The following CTNNBL1 variants were observed in gnomAD, a reference collection of about 807,000 sequenced individuals.
CTNNBL1 encodes beta-catenin-like protein 1.
CTNNBL1 carries 31 observed loss-of-function variants against 72.7 expected under a neutral mutation model. That is an observed-to-expected ratio of 0.43 (90% confidence interval 0.32 to 0.58). CTNNBL1 has a LOEUF of 0.58. Among genes scored for constraint, CTNNBL1 ranks in the 20% least tolerant of loss-of-function variants. The pLI is 0.08. For synonymous variants in CTNNBL1, 240 were observed against 267.3 expected (o/e 0.90, Z 1.00); for missense variants, 534 against 725.1 (o/e 0.74, Z 3.03).
At chr20:37,709,795 C>CT (rs905948828) in intron 1 of CTNNBL1, among the ~76,000 whole-genome samples, 2 of 152,142 alleles carry the variant, frequency 1.3e-5, no homozygotes, top group East Asian at 1.9e-4. Flanking sequence ...AATGAGATTC[C>CT]TTTTTTAAAA....
At chr20:37,854,255 T>A (rs879772792) in intron 13 of CTNNBL1, among the ~76,000 whole-genome samples, 2 of 152,036 alleles carry the variant, frequency 1.3e-5, no homozygotes, top group African/African-American at 2.4e-5. Context: ...TAAAAGAAGA[T>A]CAGATGATGG....
At chr20:37,859,597 G>A (rs1386230998) in intron 13 of CTNNBL1, among the ~76,000 whole-genome samples, 2 of 114,490 alleles carry the variant, frequency 1.7e-5, no homozygotes, top group African/African-American at 7.0e-5. Context: ...TTTGTGTCCC[G>A]TCAGCTTGTT....
intron 11 of CTNNBL1, among the ~76,000 whole-genome samples, chr20:37,808,312 C>T (rs2071978309): frequency 6.6e-6 from 1 of 152,124 alleles, no homozygotes; most frequent in Admixed American, 6.5e-5. Context: ...GTCAGAGCTC[C>T]CACGCCGCCT....
intron 15 of CTNNBL1, among the ~76,000 whole-genome samples, chr20:37,861,888 G>A (rs1262000401): frequency 6.6e-6 from 1 of 152,218 alleles, no homozygotes; most frequent in Non-Finnish European, 1.5e-5. Context: ...CCAAAATCCT[G>A]TGGGAAGCCT....
At chr20:37,786,582 T>A (rs2073676405) in intron 10 of CTNNBL1, among the ~76,000 whole-genome samples, 1 of 152,218 alleles carries the variant, frequency 6.6e-6, no homozygotes, top group South Asian at 2.1e-4. Flanking sequence ...ATGTGTGATA[T>A]AAATATGCAT....
intron 1 of CTNNBL1, among the ~76,000 whole-genome samples, 183 bp from the exon 2 acceptor site, chr20:37,732,696 C>CT (rs1456746790): frequency 6.6e-6 from 1 of 152,128 alleles, no homozygotes; most frequent in Non-Finnish European, 1.5e-5. Flanking sequence ...CTTGCAAAGT[C>CT]TTTTTTTGTA....
chr20:37,842,060 A>G (rs954666984), intron 12 of CTNNBL1, among the ~76,000 whole-genome samples: 2 of 152,192 alleles, frequency 1.3e-5, no homozygotes, highest in African/African-American at 2.4e-5. Context: ...AACAACGTGC[A>G]TTCCTGGGAG....
At chr20:37,812,985 A>G (rs1415215852) in intron 11 of CTNNBL1, among the ~76,000 whole-genome samples, 1 of 152,078 alleles carries the variant, frequency 6.6e-6, no homozygotes, top group East Asian at 1.9e-4. Context: ...TAGCCAGGTA[A>G]AGGAAAGTCA....
At chr20:37,730,200 C>T (rs183383812) in intron 1 of CTNNBL1, among the ~76,000 whole-genome samples, 1 of 152,166 alleles carries the variant, frequency 6.6e-6, no homozygotes, top group Non-Finnish European at 1.5e-5. Flanking sequence ...AAAATTTTCT[C>T]TTATTACCAA....
At chr20:37,749,517 C>T (rs1873621960) in intron 4 of CTNNBL1, among the ~76,000 whole-genome samples, 1 of 152,104 alleles carries the variant, frequency 6.6e-6, no homozygotes, top group Non-Finnish European at 1.5e-5. Flanking sequence ...TGCCATTTCC[C>T]TCCTGTTTTC....
In CTNNBL1 at chr20:37,700,864, G is replaced by A. The variant is rs142450778; in HGVS notation, c.30+6712G>A. 7.3e-4 allele frequency among the ~76,000 whole-genome samples: 111 copies of A among 152,260 alleles called. No homozygotes were observed. The East Asian group carries it at 0.02, about 28-fold the overall frequency. On this transcript the variant is annotated intron_variant, in intron 1 of 15. Coordinates refer to ENST00000361383, the MANE Select transcript of CTNNBL1 (RefSeq NM_030877.5). ...AGGGACCCTTGGTTTTGGTGATATT[G>A]CAGACACCCACTCCTCTTGTCCTCT...
chr20:37,723,532 A>G (rs941568957), intron 1 of CTNNBL1, among the ~76,000 whole-genome samples: 2 of 152,138 alleles, frequency 1.3e-5, no homozygotes, highest in Non-Finnish European at 2.9e-5. Context: ...CCAGAAAAAA[A>G]GGTAGTAGGT....
chr20:37,711,059 A>G (rs1222866116), intron 1 of CTNNBL1, among the ~76,000 whole-genome samples: 2 of 152,096 alleles, frequency 1.3e-5, no homozygotes, highest in Non-Finnish European at 2.9e-5. Flanking sequence ...AGTGTGCCTC[A>G]TATGGTGTGC....
chr20:37,845,662 C>G (rs946444938), intron 13 of CTNNBL1, among the ~76,000 whole-genome samples: 1 of 152,198 alleles, frequency 6.6e-6, no homozygotes, highest in Non-Finnish European at 1.5e-5. Context: ...ATACGACCTC[C>G]TTTTCACCTC....
chr20:37,762,299 A>T (rs2073425090), intron 5 of CTNNBL1, among the ~76,000 whole-genome samples: 1 of 152,230 alleles, frequency 6.6e-6, no homozygotes, highest in Non-Finnish European at 1.5e-5. Flanking sequence ...CCTAGTAGGC[A>T]GAAAAATCCC....
chr20:37,760,429 T>C (rs1373628987), intron 5 of CTNNBL1, among the ~76,000 whole-genome samples: 1 of 152,120 alleles, frequency 6.6e-6, no homozygotes, highest in Non-Finnish European at 1.5e-5. Context: ...CCCTTTTGAG[T>C]TTTTTCCAGA....
At chr20:37,853,004 T>C (rs1376933351) in intron 13 of CTNNBL1, among the ~76,000 whole-genome samples, 2 of 152,206 alleles carry the variant, frequency 1.3e-5, no homozygotes, top group African/African-American at 4.8e-5. Flanking sequence ...TATCATAGTT[T>C]AGAGGAGTTC....
At chr20:37,809,881 A>G (rs1441884583) in intron 11 of CTNNBL1, among the ~76,000 whole-genome samples, 6 of 152,208 alleles carry the variant, frequency 3.9e-5, no homozygotes, top group African/African-American at 1.4e-4. Context: ...TAACATCTTT[A>G]TATCATGTAC....
intron 4 of CTNNBL1, among the ~76,000 whole-genome samples, chr20:37,752,324 A>G (rs1376474050): frequency 6.6e-6 from 1 of 152,204 alleles, no homozygotes; most frequent in East Asian, 1.9e-4. Flanking sequence ...GCTTTGTGCC[A>G]GCTGCTTTAA....
Sources: allele counts gnomAD v4.1 joint callset (sites outside exome capture counted in the v4.1 genomes callset), GRCh38; gene constraint gnomAD v4.1.1; transcripts MANE v1.5; gene names NCBI Gene and HGNC (gene_info 2026-07-23, HGNC 2026-07-21).